The following IQCM variants were observed in gnomAD, a reference collection of about 807,000 sequenced individuals.
IQCM encodes the protein IQ domain-containing protein M.
Under a neutral mutation model 57.6 loss-of-function variants are expected in IQCM, and 45 were observed. The observed-to-expected ratio is 0.78, with a 90% CI of 0.62 to 1.00. IQCM has a LOEUF of 1.00. IQCM is among the 50% of genes least tolerant of loss of function. IQCM has a pLI of 0.00. For missense variants in IQCM, 468 were observed against 511.6 expected (o/e 0.91, Z 0.82); for synonymous variants, 148 against 158.9 (o/e 0.93, Z 0.51).
At chr4:149,531,586 GAT>G (rs1254543486) in intron 12 of IQCM, among the ~76,000 whole-genome samples, 2 of 151,924 alleles carry the variant, frequency 1.3e-5, no homozygotes, top group African/African-American at 4.8e-5. Flanking sequence ...AAAGGCATAA[GAT>G]AATGACCAGG....
chr4:149,376,209 C>T (rs1211410159), intron 13 of IQCM, among the ~76,000 whole-genome samples: 1 of 151,908 alleles, frequency 6.6e-6, no homozygotes, highest in Non-Finnish European at 1.5e-5. Context: ...TTAAGTGAAC[C>T]CTGGGACTTT....
At chr4:149,612,969 C>A (rs1368517890) in intron 8 of IQCM, among the ~76,000 whole-genome samples, 2 of 151,888 alleles carry the variant, frequency 1.3e-5, no homozygotes, top group Non-Finnish European at 2.9e-5. Context: ...TGAGTTAATT[C>A]CAACCCCACT....
intron 13 of IQCM, among the ~76,000 whole-genome samples, chr4:149,411,361 T>G (rs1007371296): frequency 6.6e-6 from 1 of 152,152 alleles, no homozygotes; most frequent in African/African-American, 2.4e-5. Context: ...ATTTTGGTTA[T>G]GAAAGAAGGT....
intron 7 of IQCM, among the ~76,000 whole-genome samples, chr4:149,662,057 C>A (rs1455411999): frequency 6.6e-5 from 10 of 151,750 alleles, no homozygotes; most frequent in Non-Finnish European, 1.5e-5. Flanking sequence ...ATCTTTCTTC[C>A]TTTTTGATGT....
intron 13 of IQCM, among the ~76,000 whole-genome samples, chr4:149,364,688 T>C (rs1185013989): frequency 6.6e-6 from 1 of 152,058 alleles, no homozygotes; most frequent in African/African-American, 2.4e-5. Context: ...TTAGATGGCA[T>C]ATATAAATAA....
At chr4:149,752,660 A>G (rs1768567761) in intron 2 of IQCM, among the ~76,000 whole-genome samples, 2 of 152,130 alleles carry the variant, frequency 1.3e-5, no homozygotes, top group Admixed American at 1.3e-4. Context: ...TAGAAAATTA[A>G]TACAGAGGGG....
At chr4:149,796,095 C>T (rs1773087300) in intron 2 of IQCM, among the ~76,000 whole-genome samples, 1 of 152,064 alleles carries the variant, frequency 6.6e-6, no homozygotes, top group Admixed American at 6.5e-5. Context: ...GGTAGAGTAC[C>T]AAGTGGGGCC....
In IQCM at chr4:149,438,222, A is replaced by C. The variant is rs922495114; in HGVS notation, c.1229-4665T>G. ...TGTATCTGCAAGGTTTAAAAAAAAAACATATTTTATAGTTTTCATACTAAT... is the reference window on the plus strand; with the variant it reads ...TGTATCTGCAAGGTTTAAAAAAAAACCATATTTTATAGTTTTCATACTAAT... On this transcript the variant is annotated intron_variant, in intron 12 of 13. Transcript: ENST00000636793. 2.6e-5 allele frequency among the ~76,000 whole-genome samples: 4 copies of C among 152,138 alleles called. 1 individual carries two copies. In the South Asian group the frequency reaches 8.3e-4, roughly 32 times the overall value.
chr4:149,434,528 T>A (rs1735165096), intron 12 of IQCM, among the ~76,000 whole-genome samples: 1 of 152,058 alleles, frequency 6.6e-6, no homozygotes, highest in East Asian at 1.9e-4. Flanking sequence ...ATTACATATA[T>A]TTCCCTCCTT....
chr4:149,660,696 A>G (rs534395239), intron 7 of IQCM, among the ~76,000 whole-genome samples: 638 of 152,180 alleles, frequency 4.2e-3, no homozygotes, highest in Non-Finnish European at 6.7e-3. Context: ...CATGGATGAA[A>G]TTGGAAATCA....
At chr4:149,474,916 A>G (rs1740016226) in intron 12 of IQCM, among the ~76,000 whole-genome samples, 1 of 152,078 alleles carries the variant, frequency 6.6e-6, no homozygotes, top group Admixed American at 6.6e-5. Flanking sequence ...TGCTAGAAGT[A>G]GAGTGAGGAG....
chr4:149,754,888 G>A (rs745882746), intron 2 of IQCM, among the ~76,000 whole-genome samples: 18 of 151,920 alleles, frequency 1.2e-4, no homozygotes, highest in Admixed American at 2.0e-4. Context: ...ATCTTCATTC[G>A]GATGTCACCA....
chr4:149,353,934 C>T (rs780580923), intron 13 of IQCM, among the ~76,000 whole-genome samples: 3 of 152,012 alleles, frequency 2.0e-5, no homozygotes, highest in South Asian at 2.1e-4. Flanking sequence ...TTGCTCTTGT[C>T]GCAAAAACAA....
chr4:149,621,251 G>T lies in IQCM; in HGVS notation c.566-7C>A. Reference sequence around the variant, plus strand: ...CAGTCATAGAATGCTTTGTCTGTTAGAAATATCAATGCAGGTTAAAACAAT... The same window carrying T: ...CAGTCATAGAATGCTTTGTCTGTTATAAATATCAATGCAGGTTAAAACAAT... On this transcript the variant is annotated splice_region_variant and splice_polypyrimidine_tract_variant and intron_variant, in intron 7 of 13. Coordinates refer to ENST00000636793, the MANE Select transcript of IQCM (RefSeq NM_001363507.2). The T allele has an allele frequency of 1.7e-6, 2 of 1,194,334 alleles. No individual in the cohort carries two copies. Among genetic ancestry groups the T allele is most frequent in the Non-Finnish European group, 2.1e-6 (2 of 953,466 alleles). The allele number at this position is 1,194,334 out of a possible 1,614,324, so 74.0% of individuals were successfully genotyped here.
intron 2 of IQCM, among the ~76,000 whole-genome samples, chr4:149,750,340 G>A (rs1768314637): frequency 6.6e-6 from 1 of 152,132 alleles, no homozygotes; most frequent in Non-Finnish European, 1.5e-5. Flanking sequence ...CATATGCCGA[G>A]AGAAAGGCAG....
chr4:149,422,015 A>ACT (rs1188695320), intron 13 of IQCM, among the ~76,000 whole-genome samples: 4 of 152,034 alleles, frequency 2.6e-5, no homozygotes, highest in Non-Finnish European at 4.4e-5. Flanking sequence ...TTTAACTGAC[A>ACT]GTCAAACAAT....
At chr4:149,514,433 T>C (rs1206145017) in intron 12 of IQCM, 2 of 152,240 alleles carry the variant, frequency 1.3e-5, no homozygotes, top group Non-Finnish European at 2.9e-5. Context: ...TATTTGAAGC[T>C]AAACAAATCT....
chr4:149,734,829 G>A (rs73857723), intron 4 of IQCM, among the ~76,000 whole-genome samples: 13 of 151,910 alleles, frequency 8.6e-5, no homozygotes, highest in African/African-American at 1.4e-4. Flanking sequence ...TCTCACTTTC[G>A]AAATATATGC....
At chr4:149,684,510 G>A (rs1285369639) in intron 6 of IQCM, among the ~76,000 whole-genome samples, 1 of 151,124 alleles carries the variant, frequency 6.6e-6, no homozygotes, top group Non-Finnish European at 1.5e-5. Context: ...AAAACCTTTT[G>A]GGAGTTTCAT....
Sources: gnomAD v4.1 joint callset for allele counts (sites outside exome capture counted in the v4.1 genomes callset) on GRCh38, gnomAD v4.1.1 for gene constraint, MANE v1.5 for transcripts, NCBI Gene and HGNC (gene_info 2026-07-23, HGNC 2026-07-21) for gene names.